SYNE1: variants seen among roughly 807,000 people sequenced by gnomAD.
SYNE1 encodes the protein nesprin-1.
A neutral mutation model predicts 1,111.0 loss-of-function variants in SYNE1; 616 were observed. That is an observed-to-expected ratio of 0.55 (90% CI 0.52 to 0.59). The LOEUF is 0.59. Among genes scored for constraint, SYNE1 ranks in the 20% least tolerant of loss-of-function variants. The pLI is 0.00. For synonymous variants in SYNE1, 3,855 were observed against 3,825.8 expected (o/e 1.01, Z -0.28); for missense variants, 10,006 against 10,417.0 (o/e 0.96, Z 1.72).
In SYNE1 at chr6:152,163,394, G is replaced by T. The variant is rs1357958141; in HGVS notation, c.23790+769C>A. On this transcript the variant is annotated intron_variant, in intron 131 of 145. Transcript: ENST00000367255. ...CATGCCTGTAATCTCAGCTACTTGG[G>T]AGGCTGAGGCAGGAGAATCGCTTAA... 2.0e-5 allele frequency among the ~76,000 whole-genome samples: 3 copies of T among 151,824 alleles called. No homozygotes were observed. The East Asian group carries it at 5.8e-4, about 29-fold the overall frequency.
chr6:152,472,171 A>T (rs2098809697), intron 15 of SYNE1, 130 bp downstream of exon 15: 1 of 743,060 alleles, frequency 1.3e-6, no homozygotes, highest in African/African-American at 1.8e-5. Flanking sequence ...GTCTTATGGG[A>T]GCCCGCTTTC....
In SYNE1 at chr6:152,404,146, G is replaced by A. The variant is rs2097860534; in HGVS notation, c.6825+67C>T. The stretch of plus-strand genomic sequence containing the variant: ...ACACACACACACACACAGAGACAGA[G>A]AAAGTCTAGTATATGGTAGTAATTA... On this transcript the variant is annotated intron_variant, in intron 46 of 145. Transcript: ENST00000367255. The A allele has an allele frequency of 6.7e-6, 7 of 1,040,432 alleles. No homozygotes were observed. The Admixed American group carries it at 1.2e-4, about 18-fold the overall frequency. The allele number at this position is 1,040,432 out of a possible 1,614,324, so 64.5% of individuals were successfully genotyped here. A position where few individuals can be genotyped will look rare whatever the true frequency, so the allele number is the denominator to read the frequency against.
Position 152,302,037 on chromosome 6 carries a change from G to C in SYNE1, c.17373C>G (p.Tyr5791Ter). The C allele has an allele frequency of 6.2e-7, 1 of 1,614,258 alleles. No homozygotes were observed. Among genetic ancestry groups the C allele is most frequent in the Non-Finnish European group, 8.5e-7 (1 of 1,180,046 alleles). ...HEELAQKIKGYQEQIASLNSK... is the reference protein window; with the variant it reads ...HEELAQKIKG ...AATTCAAAGAAGCGATCTGCTCCTGGTAGCCCTTAATTTTCTGCGCCAGCT... is the reference window on the plus strand; with the variant it reads ...AATTCAAAGAAGCGATCTGCTCCTGCTAGCCCTTAATTTTCTGCGCCAGCT... Residue 5791 changes from tyrosine (Y) to a stop codon, truncating the protein, a stop_gained, in exon 92 of 146, where the codon TAC (tyrosine) becomes TAG (stop). Coordinates refer to ENST00000367255, the MANE Select transcript of SYNE1 (RefSeq NM_182961.4). LOFTEE classifies it high-confidence loss of function.
chr6:152,211,030 T>C (rs1160124910), intron 124 of SYNE1, among the ~76,000 whole-genome samples: 1 of 152,204 alleles, frequency 6.6e-6, no homozygotes, highest in Non-Finnish European at 1.5e-5. Flanking sequence ...TGCTGCTACT[T>C]AGTTCTGTGA....
intron 140 of SYNE1, among the ~76,000 whole-genome samples, chr6:152,139,717 A>AAAAGAAAGAAAGAAAGAAAGAAAGAAAG (rs138419982): frequency 3.1e-5 from 3 of 95,478 alleles, no homozygotes; most frequent in African/African-American, 1.3e-4. Flanking sequence ...AAAAGAAAGA[A>AAAAGAAAGAAAGAAAGAAAGAAAGAAAG]AAAGAAAGAA....
intron 80 of SYNE1, 44 bp downstream of exon 80, chr6:152,325,913 TA>T (rs2096056523): frequency 6.2e-7 from 1 of 1,610,482 alleles, no homozygotes; most frequent in Non-Finnish European, 8.5e-7. Flanking sequence ...AGACTCATTA[TA>T]ATTATAGAAA....
chr6:152,325,497 G>GTTAC (rs1197212444), intron 80 of SYNE1, among the ~76,000 whole-genome samples, 195 bp from the exon 81 acceptor site: 1 of 152,094 alleles, frequency 6.6e-6, no homozygotes, highest in African/African-American at 2.4e-5. Flanking sequence ...TTTTTAAAGA[G>GTTAC]GTAAGGTGAA....
At chr6:152,299,686 C>T (rs1322151026) in intron 93 of SYNE1, among the ~76,000 whole-genome samples, 4 of 148,768 alleles carry the variant, frequency 2.7e-5, no homozygotes. Flanking sequence ...CCTTGATGTT[C>T]CTTTTTTTTT....
intron 93 of SYNE1, among the ~76,000 whole-genome samples, chr6:152,299,255 A>AT (rs1407794439): frequency 1.3e-5 from 2 of 152,244 alleles, no homozygotes; most frequent in African/African-American, 4.8e-5. Context: ...AAATAGAACA[A>AT]TTTTTTCTAT....
intron 62 of SYNE1, among the ~76,000 whole-genome samples, chr6:152,366,387 C>T (rs765237618): frequency 4.0e-5 from 6 of 151,634 alleles, no homozygotes; most frequent in South Asian, 2.1e-4. Flanking sequence ...TATAGCAGGG[C>T]GCAGTGGCTC....
intron 21 of SYNE1, among the ~76,000 whole-genome samples, chr6:152,460,521 T>TCTA (rs1274251296): frequency 6.6e-6 from 1 of 152,152 alleles, no homozygotes; most frequent in East Asian, 1.9e-4. Context: ...AACAGGGTCT[T>TCTA]CTACTTTGTT....
chr6:152,554,235 C>T (rs997982256), intron 3 of SYNE1, among the ~76,000 whole-genome samples: 18 of 152,146 alleles, frequency 1.2e-4, no homozygotes, highest in Admixed American at 4.6e-4. Flanking sequence ...AATAGCAGCA[C>T]GGTCCCAATA....
chr6:152,535,023 C>T (rs111470772), intron 4 of SYNE1, among the ~76,000 whole-genome samples: 2 of 152,306 alleles, frequency 1.3e-5, no homozygotes, highest in African/African-American at 4.8e-5. Flanking sequence ...AATCTTAACC[C>T]CCCAAAATGC....
intron 81 of SYNE1, among the ~76,000 whole-genome samples, chr6:152,324,383 A>G (rs1418248044): frequency 6.6e-6 from 1 of 152,170 alleles, no homozygotes; most frequent in Non-Finnish European, 1.5e-5. Context: ...TGGGCGACAG[A>G]GCAAGACTCC....
intron 71 of SYNE1, 128 bp from the exon 72 acceptor site, chr6:152,350,463 A>G: frequency 6.7e-7 from 1 of 1,485,126 alleles, no homozygotes; most frequent in Middle Eastern, 1.7e-4. Flanking sequence ...CCAGGAATGG[A>G]AAACAACATA....
intron 130 of SYNE1, among the ~76,000 whole-genome samples, chr6:152,169,891 CT>C (rs1304068238): frequency 6.6e-6 from 1 of 151,726 alleles, no homozygotes; most frequent in Non-Finnish European, 1.5e-5. Flanking sequence ...ACTGTGAATT[CT>C]TTTATAAAAC....
At position 152,359,629 on chromosome 6, in the gene SYNE1, G is replaced by GGT. The variant is rs57095244; in HGVS notation, c.10300-173_10300-172dup. On this transcript the variant is annotated intron_variant, in intron 64 of 145. Coordinates refer to ENST00000367255, the MANE Select transcript of SYNE1 (RefSeq NM_182961.4). ...ACACAGATATGTGTGTGAATGCATGGGTGTGTGTGTGTGTGTGTGTGTGTA... is the reference window on the plus strand; with the variant it reads ...ACACAGATATGTGTGTGAATGCATGGGTGTGTGTGTGTGTGTGTGTGTGTGTA... Among the ~76,000 whole-genome samples, 649 of 148,582 alleles carry GGT rather than the reference G, an allele frequency of 4.4e-3. 4 individuals are homozygous for GGT. Among genetic ancestry groups the GGT allele is most frequent in the South Asian group, 6.9e-3 (32 of 4,650 alleles).
chr6:152,511,105 T>A lies in SYNE1; in HGVS notation c.310-2A>T, dbSNP rs779638618. 1 of 1,613,226 alleles carries A rather than the reference T, an allele frequency of 6.2e-7. No individual in the cohort carries two copies. Among genetic ancestry groups the A allele is most frequent in the Non-Finnish European group, 8.5e-7 (1 of 1,179,236 alleles). ...GGAGTTAATGTTGACTAATTTAATC[T>A]GTTTAAAAAAGAGAAACTGTACTAG... On this transcript the variant is annotated splice_acceptor_variant, in intron 6 of 145. Transcript: ENST00000367255. LOFTEE classifies it high-confidence loss of function.
At chr6:152,245,534 G>C (rs1248328242) in intron 105 of SYNE1, among the ~76,000 whole-genome samples, 1 of 152,198 alleles carries the variant, frequency 6.6e-6, no homozygotes, top group Admixed American at 6.5e-5. Context: ...TGAGTATTTT[G>C]TTTGCTTGTT....
Sources: allele counts gnomAD v4.1 joint callset (sites outside exome capture counted in the v4.1 genomes callset), GRCh38; gene constraint gnomAD v4.1.1; transcripts MANE v1.5; gene names NCBI Gene and HGNC (gene_info 2026-07-23, HGNC 2026-07-21).